Variants in FAM20A observed in about 807,000 individuals in gnomAD.
FAM20A encodes FAM20A golgi associated secretory pathway pseudokinase, also known as pseudokinase FAM20A.
In FAM20A, 42 loss-of-function variants were observed where a neutral mutation model predicts 52.0. That is an observed-to-expected ratio of 0.81 (90% CI 0.63 to 1.04). The LOEUF (loss-of-function observed/expected upper bound fraction) is 1.04. Among genes scored for constraint, FAM20A ranks in the 50% least tolerant of loss-of-function variants. The probability of loss-of-function intolerance (pLI) is 0.00; values close to 1 mark genes in which losing one functional copy is unlikely to be tolerated. For missense variants in FAM20A, 742 were observed against 712.7 expected (o/e 1.04, Z -0.47); for synonymous variants, 304 against 298.9 (o/e 1.02, Z -0.18).
intron 8 of FAM20A, chr17:68,540,636 A>G (rs1439672224): frequency 3.0e-6 from 2 of 668,752 alleles, no homozygotes; most frequent in African/African-American, 3.5e-5. Context: ...CTGCCTTATG[A>G]GTGACGACCC....
chr17:68,586,728 T>G (rs1043885509), intron 1 of FAM20A, among the ~76,000 whole-genome samples: 3 of 152,254 alleles, frequency 2.0e-5, no homozygotes, highest in Non-Finnish European at 4.4e-5. Context: ...CCTTTAGAAC[T>G]GTAAATAATA....
At chr17:68,589,577 CAG>C (rs559054301) in intron 1 of FAM20A, among the ~76,000 whole-genome samples, 4 of 151,946 alleles carry the variant, frequency 2.6e-5, no homozygotes, top group Non-Finnish European at 5.9e-5. Flanking sequence ...GCAAGGGGAG[CAG>C]AAGTCTTGGG....
chr17:68,554,946 G>A (rs951741312), intron 2 of FAM20A, 119 bp from the exon 3 acceptor site: 4 of 1,039,324 alleles, frequency 3.8e-6, no homozygotes, highest in Admixed American at 3.9e-5. Context: ...TGTAGCCTGG[G>A]GCCCTTGACC....
rs72849717 is a variant in FAM20A at position 68,589,270 on chromosome 17, G to A, written c.404+10993C>T. Among the ~76,000 whole-genome samples the A allele has an allele frequency of 3.4e-3, 524 of 152,298 alleles. 2 individuals are homozygous for A. Among genetic ancestry groups the A allele is most frequent in the Middle Eastern group, 0.014 (4 of 294 alleles). ...GGGAGGCAGTACAGCCAAGATCAGCGGAACCAATGCAGTAGCTGACTACAG... is the reference window on the plus strand; with the variant it reads ...GGGAGGCAGTACAGCCAAGATCAGCAGAACCAATGCAGTAGCTGACTACAG... On this transcript the variant is annotated intron_variant, in intron 1 of 10. Coordinates refer to ENST00000592554, the MANE Select transcript of FAM20A (RefSeq NM_017565.4).
In FAM20A at chr17:68,536,617, A is replaced by G. The variant is rs139909164; in HGVS notation, c.*860T>C. ...GGGCCGGGGACAATCCTGGGGTCTT[A>G]GGGAAGAAGATTGTGGTTGGTGGGC... On this transcript the variant is annotated 3_prime_UTR_variant, in exon 11 of 11. Coordinates refer to ENST00000592554, the MANE Select transcript of FAM20A (RefSeq NM_017565.4). 2.3e-3 allele frequency: 1,047 copies of G among 452,278 alleles called. 5 individuals are homozygous for G. The highest frequency in any genetic ancestry group is 4.9e-3 in the South Asian group (315 of 64,226). The allele number at this position is 452,278 out of a possible 1,614,324, so 28.0% of individuals were successfully genotyped here.
At chr17:68,576,617 C>G (rs75581257) in intron 1 of FAM20A, among the ~76,000 whole-genome samples, 2,564 of 152,220 alleles carry the variant, frequency 0.017, 80 homozygotes, top group African/African-American at 0.059. Context: ...GGGAGATCCT[C>G]GCTGTAGACA....
intron 4 of FAM20A, 88 bp from the exon 5 acceptor site, chr17:68,543,809 G>A: frequency 8.6e-7 from 1 of 1,162,962 alleles, no homozygotes; most frequent in Non-Finnish European, 1.3e-6. Flanking sequence ...AGCGAGAAAG[G>A]AAAACGGGCT....
At chr17:68,565,479 C>T (rs942366247) in intron 1 of FAM20A, among the ~76,000 whole-genome samples, 10 of 149,658 alleles carry the variant, frequency 6.7e-5, no homozygotes, top group South Asian at 4.2e-4. Context: ...CTGCAACCTC[C>T]GCTTCCTGGG....
intron 1 of FAM20A, among the ~76,000 whole-genome samples, chr17:68,562,612 C>G (rs1368375245): frequency 8.9e-6 from 1 of 112,830 alleles, no homozygotes; most frequent in African/African-American, 8.5e-5. Flanking sequence ...CCTTTTCCAT[C>G]CCCCCCCCTT....
intron 4 of FAM20A, among the ~76,000 whole-genome samples, chr17:68,550,369 CTTTTTTT>C (rs747654899): frequency 1.1e-4 from 9 of 79,390 alleles, no homozygotes; most frequent in South Asian, 5.8e-4. Flanking sequence ...AATGGGGGAA[CTTTTTTT>C]TTTTTTTTTT....
At chr17:68,558,359 T>C (rs1370503217) in intron 1 of FAM20A, 2 of 443,952 alleles carry the variant, frequency 4.5e-6, no homozygotes, top group East Asian at 1.5e-4. Flanking sequence ...GTTTGTCCCC[T>C]CCAAATCTCA....
chr17:68,584,331 A>C (rs2088102913), intron 1 of FAM20A, among the ~76,000 whole-genome samples: 1 of 50,336 alleles, frequency 2.0e-5, no homozygotes, highest in African/African-American at 1.6e-4. Context: ...ACAAAACAAA[A>C]CAAAACAAAA....
chr17:68,544,585 TAAG>T (rs1325443994), intron 4 of FAM20A, among the ~76,000 whole-genome samples: 19 of 152,300 alleles, frequency 1.2e-4, no homozygotes, highest in Non-Finnish European at 2.4e-4. Flanking sequence ...AATCTATAAA[TAAG>T]AAGCACTGGC....
chr17:68,595,854 T>C (rs2088436905), intron 1 of FAM20A, among the ~76,000 whole-genome samples: 1 of 152,164 alleles, frequency 6.6e-6, no homozygotes, highest in Admixed American at 6.5e-5. Context: ...AATGGAGAGA[T>C]TGTATTTTTC....
chr17:68,541,856 A>AT, intron 7 of FAM20A, 129 bp downstream of exon 7: 1 of 1,130,996 alleles, frequency 8.8e-7, no homozygotes, highest in Non-Finnish European at 1.3e-6. Flanking sequence ...CCCAGGATCA[A>AT]TATGAAATGG....
In FAM20A at chr17:68,537,050, G is replaced by A; in HGVS notation, c.*427C>T. 1 of 456,756 alleles carries A rather than the reference G, an allele frequency of 2.2e-6. No individual in the cohort carries two copies. The highest frequency in any genetic ancestry group is 4.4e-6 in the Non-Finnish European group (1 of 228,720). 28.3% of individuals were successfully genotyped at this position (456,756 alleles called of 1,614,324 possible). On this transcript the variant is annotated 3_prime_UTR_variant, in exon 11 of 11. Transcript: ENST00000592554. The surrounding 1 kb of genome is among the most constrained non-coding windows in gnomAD (Gnocchi z 4.2). ...GCAGATTTTTAGTCAGCTTGTGATA[G>A]GCCAGGTGTTTTGTCTGGACCAGGA...
intron 6 of FAM20A, 52 bp from the exon 7 acceptor site, chr17:68,542,217 G>C: frequency 6.3e-7 from 1 of 1,595,020 alleles, no homozygotes; most frequent in South Asian, 1.1e-5. Context: ...CTGGAGGCAT[G>C]ACATCTTCCT....
intron 4 of FAM20A, chr17:68,551,238 C>T (rs1212309316): frequency 6.1e-6 from 5 of 825,524 alleles, no homozygotes; most frequent in Non-Finnish European, 8.1e-6. Flanking sequence ...TATTATTTCA[C>T]TCATCTCTAT....
Position 68,542,740 on chromosome 17 carries a change from C to T in FAM20A, c.882G>A (p.Glu294=). 6.2e-7 allele frequency: 1 copy of T among 1,614,138 alleles called. No homozygotes were observed. Among genetic ancestry groups the T allele is most frequent in the Non-Finnish European group, 8.5e-7 (1 of 1,179,998 alleles). ...RIVNVTKEIL[E]VTKNEILQSV... ...TCTGCAGGATTTCATTCTTGGTGAC[C>T]TCTAGGATTTCCTTGGTGACATTTA... Residue 294 remains glutamate, a synonymous_variant, in exon 6 of 11, where the codon GAG becomes GAA. Coordinates refer to ENST00000592554, the MANE Select transcript of FAM20A (RefSeq NM_017565.4).
Sources: gnomAD v4.1 joint callset for allele counts (sites outside exome capture counted in the v4.1 genomes callset) on GRCh38, gnomAD v4.1.1 for gene constraint, Gnocchi (gnomAD v3.1) non-coding constraint, MANE v1.5 for transcripts, NCBI Gene and HGNC (gene_info 2026-07-23, HGNC 2026-07-21) for gene names.